RNF144A: variants seen among roughly 807,000 people sequenced by gnomAD.
RNF144A encodes the protein E3 ubiquitin-protein ligase RNF144A.
A neutral mutation model predicts 38.7 loss-of-function variants in RNF144A; 11 were observed. The ratio of observed to expected loss-of-function variants is 0.28; its 90% CI spans 0.18 to 0.47. The LOEUF (loss-of-function observed/expected upper bound fraction) is 0.47, where lower values mean the gene tolerates loss of function less well. RNF144A is among the 20% of genes least tolerant of loss of function. The probability of loss-of-function intolerance (pLI) is 0.99; values close to 1 mark genes in which losing one functional copy is unlikely to be tolerated. For missense variants in RNF144A, 316 were observed against 377.2 expected (o/e 0.84, Z 1.34); for synonymous variants, 149 against 143.9 (o/e 1.04, Z -0.25).
chr2:6,947,082 A>G (rs1314335264), intron 2 of RNF144A, among the ~76,000 whole-genome samples: 1 of 152,210 alleles, frequency 6.6e-6, no homozygotes, highest in African/African-American at 2.4e-5. Context: ...TGAACAAAGT[A>G]TTGAAGTTAT....
chr2:6,996,774 A>T, intron 2 of RNF144A, 142 bp from the exon 3 acceptor site: 1 of 813,994 alleles, frequency 1.2e-6, no homozygotes, highest in Non-Finnish European at 1.9e-6. Flanking sequence ...AAAAATTCTC[A>T]GAACATCCAG....
chr2:7,032,065 A>C (rs983707213), intron 8 of RNF144A, among the ~76,000 whole-genome samples: 2 of 152,272 alleles, frequency 1.3e-5, no homozygotes, highest in Non-Finnish European at 2.9e-5. Context: ...TGGATAAACA[A>C]AACAGAACAG....
intron 3 of RNF144A, among the ~76,000 whole-genome samples, chr2:7,003,596 A>G (rs1385939746): frequency 2.0e-5 from 3 of 152,254 alleles, no homozygotes; most frequent in Non-Finnish European, 4.4e-5. Context: ...GTAGTAGGCT[A>G]TGCCACCTAG....
chr2:7,006,527 C>G (rs1023898020), intron 3 of RNF144A, among the ~76,000 whole-genome samples: 2 of 152,034 alleles, frequency 1.3e-5, no homozygotes, highest in African/African-American at 2.4e-5. Flanking sequence ...CTCCGATGCC[C>G]GTACTGGCCT....
chr2:7,026,329 C>T (rs541480311), intron 7 of RNF144A, among the ~76,000 whole-genome samples: 1 of 152,146 alleles, frequency 6.6e-6, no homozygotes, highest in Non-Finnish European at 1.5e-5. Context: ...ATCTTCTATC[C>T]TGAGGCTTCA....
chr2:7,029,879 T>G (rs1672163380), intron 7 of RNF144A, among the ~76,000 whole-genome samples: 1 of 152,166 alleles, frequency 6.6e-6, no homozygotes, highest in African/African-American at 2.4e-5. Flanking sequence ...GGTCCAAAGC[T>G]CCCTCTAGAG....
At chr2:7,015,427 G>A (rs1031181100) in intron 5 of RNF144A, among the ~76,000 whole-genome samples, 10 of 152,170 alleles carry the variant, frequency 6.6e-5, no homozygotes, top group African/African-American at 9.7e-5. Context: ...ACCCTTCATC[G>A]TGAGCCCTCC....
chr2:6,957,817 T>G (rs1171855046), intron 2 of RNF144A, among the ~76,000 whole-genome samples: 1 of 152,230 alleles, frequency 6.6e-6, no homozygotes, highest in Non-Finnish European at 1.5e-5. Context: ...CCTTGTTTCC[T>G]CCTACCCCTT....
At chr2:7,034,391 C>T (rs1044601672) in intron 8 of RNF144A, among the ~76,000 whole-genome samples, 4 of 152,156 alleles carry the variant, frequency 2.6e-5, no homozygotes, top group African/African-American at 4.8e-5. Flanking sequence ...TTTGAGTGGA[C>T]GCCCACCCTC....
At chr2:7,033,822 C>G (rs1672481693) in intron 8 of RNF144A, among the ~76,000 whole-genome samples, 1 of 152,218 alleles carries the variant, frequency 6.6e-6, no homozygotes, top group African/African-American at 2.4e-5. Flanking sequence ...CTCTTTGGCA[C>G]TGGTCCTGTG....
intron 5 of RNF144A, among the ~76,000 whole-genome samples, chr2:7,015,138 A>C (rs1671054633): frequency 6.6e-6 from 1 of 152,146 alleles, no homozygotes; most frequent in Non-Finnish European, 1.5e-5. Context: ...AAAGATGCAG[A>C]GTCATGGAGG....
downstream of RNF144A, among the ~76,000 whole-genome samples, chr2:7,070,516 G>C (rs1319127989): frequency 6.6e-6 from 1 of 152,176 alleles, no homozygotes; most frequent in Non-Finnish European, 1.5e-5. Context: ...CAAAAGTTAT[G>C]TTGAAGTCCC....
intron 2 of RNF144A, among the ~76,000 whole-genome samples, chr2:6,951,998 A>G (rs1346620810): frequency 6.6e-6 from 1 of 152,100 alleles, no homozygotes; most frequent in African/African-American, 2.4e-5. Flanking sequence ...TTTATAGGGA[A>G]TGTTCTAATT....
intron 6 of RNF144A, among the ~76,000 whole-genome samples, chr2:7,022,227 G>A (rs921411673): frequency 1.3e-5 from 2 of 152,020 alleles, no homozygotes; most frequent in African/African-American, 4.8e-5. Context: ...TTTTGTATTG[G>A]AGGGTTTGTT....
intron 1 of RNF144A, among the ~76,000 whole-genome samples, chr2:6,939,604 T>G (rs1665832670): frequency 6.6e-6 from 1 of 152,232 alleles, no homozygotes. Flanking sequence ...CTATTTTTTC[T>G]TGTTTGAGCT....
chr2:7,032,654 C>G (rs374758009), intron 8 of RNF144A, among the ~76,000 whole-genome samples: 7 of 152,230 alleles, frequency 4.6e-5, no homozygotes, highest in African/African-American at 1.7e-4. Flanking sequence ...GTCTCCACCT[C>G]GTCTTCCATC....
chr2:6,926,360 G>A (rs1417723071), intron 1 of RNF144A, among the ~76,000 whole-genome samples: 1 of 152,256 alleles, frequency 6.6e-6, no homozygotes, highest in Non-Finnish European at 1.5e-5. Context: ...GAGAGAAAAT[G>A]AGGGTCTGCC....
At chr2:7,001,591 T>G (rs1670108430) in intron 3 of RNF144A, among the ~76,000 whole-genome samples, 1 of 151,906 alleles carries the variant, frequency 6.6e-6, no homozygotes, top group Non-Finnish European at 1.5e-5. Context: ...GCAGGAAGAC[T>G]GCTTGAGCCC....
chr2:7,064,433 T>C (rs2103481586), intron 6 of RNF144A, among the ~76,000 whole-genome samples: 1 of 152,276 alleles, frequency 6.6e-6, no homozygotes, highest in East Asian at 1.9e-4. Context: ...AAGCAGGGGA[T>C]ATCTTGGAGT....
Sources: allele counts gnomAD v4.1 joint callset (sites outside exome capture counted in the v4.1 genomes callset), GRCh38; gene constraint gnomAD v4.1.1; transcripts MANE v1.5; gene names NCBI Gene and HGNC (gene_info 2026-07-23, HGNC 2026-07-21).